Variants in RASSF2 observed in about 807,000 individuals in gnomAD.
RASSF2 encodes ras association domain-containing protein 2.
Under a neutral mutation model 46.3 loss-of-function variants are expected in RASSF2, and 34 were observed. The observed-to-expected ratio is 0.73, with a 90% confidence interval of 0.56 to 0.98. The LOEUF (loss-of-function observed/expected upper bound fraction) is 0.98. Among genes scored for constraint, RASSF2 ranks in the 50% least tolerant of loss-of-function variants. The probability of loss-of-function intolerance (pLI) is 0.00; values close to 1 mark genes in which losing one functional copy is unlikely to be tolerated. For synonymous variants in RASSF2, 158 were observed against 162.5 expected, an observed-to-expected ratio of 0.97 and a Z score of 0.21; for missense variants, 364 against 431.2, an observed-to-expected ratio of 0.84 and a Z score of 1.38.
chr20:4,801,112 G>C, intron 2 of RASSF2, 50 bp from the exon 3 acceptor site: 3 of 1,446,894 alleles, frequency 2.1e-6, no homozygotes, highest in Non-Finnish European at 2.9e-6. Context: ...GTGTGCTTGG[G>C]AACTCAGCAG....
At chr20:4,797,060 A>T (rs1338341908) in intron 4 of RASSF2, among the ~76,000 whole-genome samples, 1 of 152,102 alleles carries the variant, frequency 6.6e-6, no homozygotes, top group African/African-American at 2.4e-5. Flanking sequence ...AAAAGAGGGA[A>T]GGAGAGAAAT....
intron 11 of RASSF2, among the ~76,000 whole-genome samples, chr20:4,785,155 C>CAAAAAAAAA (rs11454727): frequency 3.3e-3 from 304 of 91,118 alleles, no homozygotes; most frequent in Middle Eastern, 6.0e-3. Flanking sequence ...ACTAAAAATA[C>CAAAAAAAAA]AAAAAAAAAA....
At chr20:4,820,496 A>G (rs1928619293) in intron 2 of RASSF2, among the ~76,000 whole-genome samples, 4 of 152,038 alleles carry the variant, frequency 2.6e-5, no homozygotes, top group African/African-American at 7.2e-5. Flanking sequence ...GGCGACAGAG[A>G]GAGACCCTAT....
At chr20:4,784,615 A>AG (rs1925139407) in intron 11 of RASSF2, among the ~76,000 whole-genome samples, 1 of 124,842 alleles carries the variant, frequency 8.0e-6, no homozygotes, top group Admixed American at 7.8e-5. Context: ...AAAAAAAAAA[A>AG]GGTAAAAAAA....
chr20:4,784,216 G>A lies in RASSF2; in HGVS notation c.*57C>T. ...TGGAAAGAAAGTGCCTAGCTTCCTG[G>A]GGGTCTTATGGGCAATGGCGGTTCC... On this transcript the variant is annotated 3_prime_UTR_variant, in exon 12 of 12. Coordinates refer to ENST00000379400, the MANE Select transcript of RASSF2 (RefSeq NM_014737.3). 1 of 1,512,448 alleles carries A rather than the reference G, an allele frequency of 6.6e-7. No individual in the cohort carries two copies. The highest frequency in any genetic ancestry group is 9.2e-7 in the Non-Finnish European group (1 of 1,087,590). 93.7% of individuals were successfully genotyped at this position (1,512,448 alleles called of 1,614,324 possible). A position where few individuals can be genotyped will look rare whatever the true frequency, so the allele number is the denominator to read the frequency against.
rs765794600 is a variant in RASSF2 at position 4,787,706 on chromosome 20, A to G, written c.740T>C (p.Leu247Pro). ...GGAGATCTGCTCACATGGGCCCTGG[A>G]GGATTCGGGCAATCAGCGGGTAATC... ...ATDYPLIARILQGPCEQISKV... is the reference protein window; with the variant it reads ...ATDYPLIARIPQGPCEQISKV... Residue 247 changes from leucine (L) to proline (P), a missense_variant, in exon 10 of 12, where the codon CTC becomes CCC. Transcript: ENST00000379400. 2 of 1,614,110 alleles carry G rather than the reference A, an allele frequency of 1.2e-6. No homozygotes were observed. The highest frequency in any genetic ancestry group is 1.7e-6 in the Non-Finnish European group (2 of 1,180,022).
At position 4,795,901 on chromosome 20, in the gene RASSF2, G is replaced by A. The variant is rs1210781418; in HGVS notation, c.201C>T (p.Arg67=). 3.1e-6 allele frequency: 5 copies of A among 1,607,544 alleles called. No individual in the cohort carries two copies. Among genetic ancestry groups the A allele is most frequent in the Non-Finnish European group, 4.3e-6 (5 of 1,176,268 alleles). ...NISWGLRRPI[R]LQMQDDNERI... is the part of the protein sequence containing the mutation. ...GTTCGTTGTCATCCTGCATCTGCAG[G>A]CGAATGGGCCGGCGCAGGCCCCAGG... The change falls in exon 5 of 12, where the codon CGC becomes CGT. Residue 67 remains arginine (R), a synonymous_variant. Coordinates refer to ENST00000379400, the MANE Select transcript of RASSF2 (RefSeq NM_014737.3). This position sits in a 1 kb window ranked among gnomAD's most constrained non-coding sequence, Gnocchi z 4.0.
At chr20:4,820,106 C>T (rs1308688778) in intron 2 of RASSF2, among the ~76,000 whole-genome samples, 1 of 152,200 alleles carries the variant, frequency 6.6e-6, no homozygotes, top group Non-Finnish European at 1.5e-5. Flanking sequence ...ATTCACCAAC[C>T]CCCGCCTCAC....
chr20:4,820,501 C>A (rs1928619652), intron 2 of RASSF2, among the ~76,000 whole-genome samples: 1 of 151,564 alleles, frequency 6.6e-6, no homozygotes, highest in Non-Finnish European at 1.5e-5. Context: ...CAGAGAGAGA[C>A]CCTATGTCAA....
chr20:4,801,206 A>G lies in RASSF2; in HGVS notation c.-32-144T>C, dbSNP rs113117968. On this transcript the variant is annotated intron_variant, in intron 2 of 11. Transcript: ENST00000379400. Reference sequence around the variant, plus strand: ...CCAGATCCACAGCTAACACTGACCCAAGGCTGTGAGGGGCAACACTGCTGG... The same window carrying G: ...CCAGATCCACAGCTAACACTGACCCGAGGCTGTGAGGGGCAACACTGCTGG... 3 of 634,262 alleles carry G rather than the reference A, an allele frequency of 4.7e-6. No individual in the cohort carries two copies. In the African/African-American group the frequency reaches 5.5e-5, roughly 12 times the overall value. 39.3% of individuals were successfully genotyped at this position (634,262 alleles called of 1,614,324 possible).
chr20:4,798,557 G>T (rs1178425539), intron 3 of RASSF2, among the ~76,000 whole-genome samples: 1 of 152,156 alleles, frequency 6.6e-6, no homozygotes, highest in Non-Finnish European at 1.5e-5. Flanking sequence ...GCGCGCAGTG[G>T]CTCATGCCTG....
intron 5 of RASSF2, among the ~76,000 whole-genome samples, chr20:4,793,639 T>A (rs902014163): frequency 1.9e-4 from 29 of 151,960 alleles, no homozygotes; most frequent in Non-Finnish European, 1.3e-4. Context: ...CATCCTTATT[T>A]TTTTTTTTTA....
chr20:4,818,245 C>T (rs568957263), intron 2 of RASSF2, among the ~76,000 whole-genome samples: 1 of 151,196 alleles, frequency 6.6e-6, no homozygotes, highest in East Asian at 1.9e-4. Flanking sequence ...CCAGCCTAGG[C>T]AACAGAGTGA....
chr20:4,812,062 C>A lies in RASSF2; in HGVS notation c.-33+10267G>T, dbSNP rs1245356347. The stretch of plus-strand genomic sequence containing the variant: ...AGCGGTGTGGATGGCAAACAGGAAA[C>A]CCCAGCCCCATTGCACCACACGAGG... On this transcript the variant is annotated intron_variant, in intron 2 of 11. Coordinates refer to ENST00000379400, the MANE Select transcript of RASSF2 (RefSeq NM_014737.3). The surrounding 1 kb of genome is among the most constrained non-coding windows in gnomAD (Gnocchi z 4.0). Among the ~76,000 whole-genome samples, 13 of 152,154 alleles carry A rather than the reference C, an allele frequency of 8.5e-5. No individual in the cohort carries two copies. Among genetic ancestry groups the A allele is most frequent in the Non-Finnish European group, 1.8e-4 (12 of 68,016 alleles).
At chr20:4,811,003 C>T (rs573661211) in intron 2 of RASSF2, among the ~76,000 whole-genome samples, 1 of 152,178 alleles carries the variant, frequency 6.6e-6, no homozygotes, top group South Asian at 2.1e-4. Flanking sequence ...ATTCTGACTC[C>T]AGGTGCTCAT....
rs1419068330 is a variant in RASSF2 at position 4,812,712 on chromosome 20, C to T, written c.-33+9617G>A. On this transcript the variant is annotated intron_variant, in intron 2 of 11. Coordinates refer to ENST00000379400, the MANE Select transcript of RASSF2 (RefSeq NM_014737.3). This position sits in a 1 kb window ranked among gnomAD's most constrained non-coding sequence, Gnocchi z 4.0. ...TGGTAGCAGGCTCTAGATGCTTTAT[C>T]TTAGTCCCTCCAAGAACCTCAGGGG... 1.3e-5 allele frequency among the ~76,000 whole-genome samples: 2 copies of T among 152,192 alleles called. No homozygotes were observed. Among genetic ancestry groups the T allele is most frequent in the Non-Finnish European group, 2.9e-5 (2 of 68,026 alleles).
intron 2 of RASSF2, 60 bp downstream of exon 2, chr20:4,822,269 A>G (rs1928741236): frequency 6.6e-6 from 1 of 152,250 alleles, no homozygotes; most frequent in Non-Finnish European, 1.5e-5. Flanking sequence ...CCTCCAGGAC[A>G]AATTGTTGTT....
chr20:4,810,933 T>A (rs546940172), intron 2 of RASSF2, among the ~76,000 whole-genome samples: 80 of 152,090 alleles, frequency 5.3e-4, no homozygotes, highest in Non-Finnish European at 9.9e-4. Flanking sequence ...AAGCCTGGAC[T>A]GAAACCAAGG....
intron 2 of RASSF2, among the ~76,000 whole-genome samples, chr20:4,801,426 C>T (rs907147415): frequency 2.0e-5 from 3 of 152,134 alleles, no homozygotes; most frequent in East Asian, 1.9e-4. Context: ...AGGGACAGCC[C>T]GATTCTACTG....
Sources: gnomAD v4.1 joint callset for allele counts (sites outside exome capture counted in the v4.1 genomes callset) on GRCh38, gnomAD v4.1.1 for gene constraint, Gnocchi (gnomAD v3.1) non-coding constraint, MANE v1.5 for transcripts, NCBI Gene and HGNC (gene_info 2026-07-23, HGNC 2026-07-21) for gene names.